YWHAQ: variants seen among roughly 807,000 people sequenced by gnomAD.
The protein encoded by YWHAQ is tyrosine 3-monooxygenase/tryptophan 5-monooxygenase activation protein theta, also known as 14-3-3 protein theta.
In YWHAQ, 6 loss-of-function variants were observed where a neutral mutation model predicts 28.3. The ratio of observed to expected loss-of-function variants is 0.21; its 90% CI spans 0.12 to 0.42. The LOEUF is 0.42. YWHAQ is among the 10% of genes least tolerant of loss of function. The pLI, the probability that YWHAQ is intolerant of heterozygous loss-of-function variation, is 1.00. For synonymous variants in YWHAQ, 143 were observed against 119.1 expected (o/e 1.20, Z -1.31); for missense variants, 201 against 305.6 (o/e 0.66, Z 2.55).
chr2:9,630,442 G>T lies in YWHAQ; in HGVS notation c.11C>A (p.Thr4Asn). 1.2e-6 allele frequency: 2 copies of T among 1,607,702 alleles called. No homozygotes were observed. The highest frequency in any genetic ancestry group is 1.7e-6 in the Non-Finnish European group (2 of 1,178,422). MEKTELIQKAKLAE... is the reference protein window; with the variant it reads MEKNELIQKAKLAE... Reference sequence around the variant, plus strand: ...CAGCTTGGCCTTCTGGATCAGCTCAGTCTTCTCCATGGCGGGCGCGGGGCC... The same window carrying T: ...CAGCTTGGCCTTCTGGATCAGCTCATTCTTCTCCATGGCGGGCGCGGGGCC... Residue 4 changes from threonine to asparagine, a missense_variant, in exon 2 of 6, where the codon ACT becomes AAT. Around this residue, in one of 2 missense-constraint regions of YWHAQ, gnomAD observed 162 missense variants for 213.9 expected, o/e 0.76. Transcript: ENST00000238081. This position sits in a 1 kb window ranked among gnomAD's most constrained non-coding sequence, Gnocchi z 5.6.
chr2:9,585,490 A>G (rs910511101), intron 5 of YWHAQ, 145 bp from the exon 6 acceptor site: 1 of 864,146 alleles, frequency 1.2e-6, no homozygotes, highest in African/African-American at 1.7e-5. Context: ...CTCTCTCAAA[A>G]CCCCAAAGAC....
At chr2:9,625,272 A>C (rs1221814366) in intron 2 of YWHAQ, among the ~76,000 whole-genome samples, 2 of 151,862 alleles carry the variant, frequency 1.3e-5, no homozygotes, top group South Asian at 2.1e-4. Flanking sequence ...AAAAAAAAAA[A>C]AAACCCAAAC....
chr2:9,615,600 A>C (rs1015792229), intron 2 of YWHAQ, among the ~76,000 whole-genome samples: 3 of 152,132 alleles, frequency 2.0e-5, no homozygotes, highest in East Asian at 1.9e-4. Flanking sequence ...TTGAGTGAAG[A>C]AGCAGTAATT....
chr2:9,630,159 C>A lies in YWHAQ; in HGVS notation c.294G>T (p.Leu98=), dbSNP rs1423446392. The change falls in exon 2 of 6, where the codon CTG becomes CTT. Residue 98 remains leucine (L), a splice_region_variant and synonymous_variant. Transcript: ENST00000238081. This position sits in a 1 kb window ranked among gnomAD's most constrained non-coding sequence, Gnocchi z 5.6. The part of the protein sequence containing the change: ...SELRSICTTV[L]ELLDKYLIAN... Reference sequence around the variant, plus strand: ...CCTGCTCCCCGCGCCGAGGACTCACCAGCACCGTGGTGCAGATGGATCTCA... The same window carrying A: ...CCTGCTCCCCGCGCCGAGGACTCACAAGCACCGTGGTGCAGATGGATCTCA... The A allele has an allele frequency of 6.2e-7, 1 of 1,612,460 alleles. No homozygotes were observed. The highest frequency in any genetic ancestry group is 1.7e-5 in the Admixed American group (1 of 60,000).
At chr2:9,628,318 C>G (rs1180860109) in intron 2 of YWHAQ, among the ~76,000 whole-genome samples, 1 of 152,128 alleles carries the variant, frequency 6.6e-6, no homozygotes, top group African/African-American at 2.4e-5. Flanking sequence ...GGGGTTGTCC[C>G]CATTGAAATG....
intron 2 of YWHAQ, among the ~76,000 whole-genome samples, chr2:9,602,862 AATAT>A (rs71413909): frequency 0.013 from 269 of 20,694 alleles, 3 homozygotes; most frequent in Non-Finnish European, 0.016. Flanking sequence ...AAAAAAAAAA[AATAT>A]ATATATATAT....
At chr2:9,585,770 G>C (rs1666331900) in intron 5 of YWHAQ, among the ~76,000 whole-genome samples, 1 of 152,020 alleles carries the variant, frequency 6.6e-6, no homozygotes. Context: ...AATTGGCCAG[G>C]TACGGGGTGG....
intron 2 of YWHAQ, among the ~76,000 whole-genome samples, chr2:9,597,082 C>T (rs752419412): frequency 5.9e-5 from 9 of 152,184 alleles, no homozygotes; most frequent in Non-Finnish European, 1.3e-4. Flanking sequence ...TAGGAAATCA[C>T]ACCTTCTCAA....
At chr2:9,588,057 A>G in intron 4 of YWHAQ, 108 bp downstream of exon 4, 1 of 1,301,136 alleles carries the variant, frequency 7.7e-7, no homozygotes, top group Non-Finnish European at 1.0e-6. Context: ...CAAAATAAAT[A>G]TAGTAGAAAT....
chr2:9,618,802 C>A (rs1290527913), intron 2 of YWHAQ, among the ~76,000 whole-genome samples: 1 of 151,930 alleles, frequency 6.6e-6, no homozygotes, highest in Admixed American at 6.6e-5. Flanking sequence ...GTGTGAGCCA[C>A]CCTGCCCAGC....
At chr2:9,626,660 AC>A (rs1220758833) in intron 2 of YWHAQ, among the ~76,000 whole-genome samples, 1 of 152,116 alleles carries the variant, frequency 6.6e-6, no homozygotes, top group African/African-American at 2.4e-5. Context: ...CCAACTCCTG[AC>A]CTCAGGTGAT....
At chr2:9,594,416 T>C (rs1260169669) in intron 2 of YWHAQ, among the ~76,000 whole-genome samples, 1 of 152,148 alleles carries the variant, frequency 6.6e-6, no homozygotes, top group Non-Finnish European at 1.5e-5. Context: ...AGGAGGAGGG[T>C]AGGAGGCAAT....
At chr2:9,597,634 C>CAAAAAAAAAAA in intron 2 of YWHAQ, among the ~76,000 whole-genome samples, 1 of 75,318 alleles carries the variant, frequency 1.3e-5, no homozygotes, top group Non-Finnish European at 2.7e-5. Flanking sequence ...AACTCCGTCT[C>CAAAAAAAAAAA]AAAAAAAAAA....
At chr2:9,590,136 C>G (rs970900111) in intron 3 of YWHAQ, among the ~76,000 whole-genome samples, 1 of 152,176 alleles carries the variant, frequency 6.6e-6, no homozygotes, top group Non-Finnish European at 1.5e-5. Context: ...CACAGGACTA[C>G]GTGTGAGACC....
chr2:9,630,100 ACT>A lies in YWHAQ; in HGVS notation c.294+57_294+58del, dbSNP rs1192094437. 4.5e-6 allele frequency: 7 copies of A among 1,559,552 alleles called. No homozygotes were observed. The highest frequency in any genetic ancestry group is 6.1e-6 in the Non-Finnish European group (7 of 1,149,674). On this transcript the variant is annotated intron_variant, in intron 2 of 5. Coordinates refer to ENST00000238081, the MANE Select transcript of YWHAQ (RefSeq NM_006826.4). The surrounding 1 kb of genome is among the most constrained non-coding windows in gnomAD (Gnocchi z 5.6). The stretch of plus-strand genomic sequence containing the variant: ...TCACGTTTGTTTCCGTGCCCGCGAA[ACT>A]CTCAATGAAAAGCATCTCACAAAAG...
At chr2:9,593,059 T>C (rs746917622) in intron 2 of YWHAQ, among the ~76,000 whole-genome samples, 4 of 152,162 alleles carry the variant, frequency 2.6e-5, no homozygotes, top group Admixed American at 1.3e-4. Flanking sequence ...ATACCATCCA[T>C]GATACCAAGT....
At position 9,604,049 on chromosome 2, in the gene YWHAQ, C is replaced by T. The variant is rs145785820; in HGVS notation, c.295-12534G>A. Among the ~76,000 whole-genome samples the T allele has an allele frequency of 2.6e-3, 402 of 152,326 alleles. 2 individuals are homozygous for T. The highest frequency in any genetic ancestry group is 9.3e-3 in the African/African-American group (386 of 41,564). ...AAGAACAGCTGGACAATTCCTTACA[C>T]AGGCCTGGGCTCCTATGTGTTAAAG... On this transcript the variant is annotated intron_variant, in intron 2 of 5. Transcript: ENST00000238081.
At chr2:9,603,676 C>T (rs1666759220) in intron 2 of YWHAQ, among the ~76,000 whole-genome samples, 1 of 151,872 alleles carries the variant, frequency 6.6e-6, no homozygotes, top group Admixed American at 6.6e-5. Context: ...GTAATCCCAA[C>T]ACTTCGGGAG....
chr2:9,597,065 A>C (rs985412066), intron 2 of YWHAQ, among the ~76,000 whole-genome samples: 1 of 152,232 alleles, frequency 6.6e-6, no homozygotes, highest in African/African-American at 2.4e-5. Context: ...TTAGCTCTAT[A>C]ATCTTGTAGG....
Sources: gnomAD v4.1 joint callset for allele counts (sites outside exome capture counted in the v4.1 genomes callset) on GRCh38, gnomAD v4.1.1 for gene constraint, gnomAD v4.1.1 regional missense constraint, Gnocchi (gnomAD v3.1) non-coding constraint, MANE v1.5 for transcripts, NCBI Gene and HGNC (gene_info 2026-07-23, HGNC 2026-07-21) for gene names.